Variants in WDFY3 observed in about 807,000 individuals in gnomAD.
WDFY3 encodes WD repeat and FYVE domain-containing protein 3.
In WDFY3, 66 loss-of-function variants were observed where a neutral mutation model predicts 409.6. That is an observed-to-expected ratio of 0.16 (90% CI 0.13 to 0.20). WDFY3 has a LOEUF of 0.20. Among genes scored for constraint, WDFY3 ranks in the 10% least tolerant of loss-of-function variants. The probability of loss-of-function intolerance (pLI) is 1.00; values close to 1 mark genes in which losing one functional copy is unlikely to be tolerated. For synonymous variants in WDFY3, 1,521 were observed against 1,537.1 expected (o/e 0.99, Z 0.25); for missense variants, 3,031 against 4,298.1 (o/e 0.71, Z 8.24).
intron 3 of WDFY3, among the ~76,000 whole-genome samples, chr4:84,874,130 G>A (rs1201128687): frequency 6.6e-6 from 1 of 151,566 alleles, no homozygotes; most frequent in Non-Finnish European, 1.5e-5. Flanking sequence ...AAACCAAGCA[G>A]AGACCGGGCG....
Position 84,671,228 on chromosome 4 carries a change from G to A in WDFY3, c.*1640C>T, listed in dbSNP as rs1209925086. 1.3e-5 allele frequency: 2 copies of A among 152,516 alleles called. No individual in the cohort carries two copies. Among genetic ancestry groups the A allele is most frequent in the Non-Finnish European group, 2.9e-5 (2 of 68,014 alleles). The allele number at this position is 152,516 out of a possible 1,614,324, so 9.4% of individuals were successfully genotyped here. A position where few individuals can be genotyped will look rare whatever the true frequency, so the allele number is the denominator to read the frequency against. On this transcript the variant is annotated 3_prime_UTR_variant, in exon 68 of 68. Transcript: ENST00000295888. Reference sequence around the variant, plus strand: ...TATTTTTGAATGCATGTGCATATATGTGCATTTTAGTGCATAAGTGTGCCT... The same window carrying A: ...TATTTTTGAATGCATGTGCATATATATGCATTTTAGTGCATAAGTGTGCCT...
intron 36 of WDFY3, among the ~76,000 whole-genome samples, chr4:84,744,502 G>A (rs978050288): frequency 6.6e-6 from 1 of 152,124 alleles, no homozygotes; most frequent in South Asian, 2.1e-4. Flanking sequence ...GCTGGGGTGG[G>A]AGGATCACAT....
At chr4:84,940,925 T>C (rs1391276213) in intron 1 of WDFY3, among the ~76,000 whole-genome samples, 2 of 152,010 alleles carry the variant, frequency 1.3e-5, no homozygotes, top group African/African-American at 2.4e-5. Context: ...AAAAACCATA[T>C]AATCTCAATA....
intron 2 of WDFY3, among the ~76,000 whole-genome samples, chr4:84,905,022 C>G (rs760007218): frequency 2.6e-5 from 4 of 151,262 alleles, no homozygotes; most frequent in Non-Finnish European, 4.4e-5. Flanking sequence ...AGTCTCTCGT[C>G]TGCGCACACG....
At chr4:84,771,783 T>A (rs1042049292) in intron 30 of WDFY3, among the ~76,000 whole-genome samples, 20 of 152,370 alleles carry the variant, frequency 1.3e-4, no homozygotes, top group Middle Eastern at 6.8e-3. Context: ...TTCATTGATC[T>A]GATCTTTATA....
At chr4:84,794,798 G>A in intron 20 of WDFY3, 61 bp from the exon 21 acceptor site, 1 of 1,512,688 alleles carries the variant, frequency 6.6e-7, no homozygotes, top group Non-Finnish European at 8.9e-7. Context: ...TTTAAAAGAT[G>A]CCAACAAAAG....
intron 3 of WDFY3, among the ~76,000 whole-genome samples, chr4:84,887,735 T>C (rs145552871): frequency 3.9e-5 from 6 of 152,326 alleles, no homozygotes; most frequent in African/African-American, 1.4e-4. Flanking sequence ...TTAGCTAAAA[T>C]TTGAATTCAA....
In WDFY3 at chr4:84,787,653, T is replaced by C; in HGVS notation, c.3730A>G (p.Thr1244Ala). 2.5e-6 allele frequency: 4 copies of C among 1,614,148 alleles called. No homozygotes were observed. The highest frequency in any genetic ancestry group is 1.1e-5 in the South Asian group (1 of 91,078). The change falls in exon 23 of 68, where the codon ACG becomes GCG. Residue 1244 changes from threonine (T) to alanine (A), a missense_variant. Around this residue, in one of 16 missense-constraint regions of WDFY3, gnomAD observed 1,322 missense variants for 1,697.9 expected, o/e 0.78. Coordinates refer to ENST00000295888, the MANE Select transcript of WDFY3 (RefSeq NM_014991.6). Reference protein sequence around the residue: ...SGSANPPVVSTVYAYIGTPPA... With the variant: ...SGSANPPVVSAVYAYIGTPPA... ...GGAGTACCAATGTAGGCATAGACCG[T>C]GCTCACCACTGGTGGATTTGCCGAA...
At chr4:84,736,581 A>G (rs1383359978) in intron 41 of WDFY3, among the ~76,000 whole-genome samples, 2 of 152,220 alleles carry the variant, frequency 1.3e-5, no homozygotes, top group African/African-American at 4.8e-5. Flanking sequence ...AAATTTAACT[A>G]TAACGAGTTT....
At position 84,779,979 on chromosome 4, in the gene WDFY3, A is replaced by C. The variant is rs563283380; in HGVS notation, c.4365+129T>G. 6.8e-4 allele frequency: 717 copies of C among 1,056,072 alleles called. 3 individuals carry two copies. Among genetic ancestry groups the C allele is most frequent in the Non-Finnish European group, 2.4e-4 (183 of 757,140 alleles). The allele number at this position is 1,056,072 out of a possible 1,614,324, so 65.4% of individuals were successfully genotyped here. A position where few individuals can be genotyped will look rare whatever the true frequency, so the allele number is the denominator to read the frequency against. ...TTTGACATATATTAGTTTTCATAAA[A>C]CTACTGTCTCTTTAAGTTTCCTTGG... On this transcript the variant is annotated intron_variant, in intron 26 of 67. Transcript: ENST00000295888.
At chr4:84,687,813 T>A in intron 62 of WDFY3, 1 of 289,038 alleles carries the variant, frequency 3.5e-6, no homozygotes. Flanking sequence ...AATTTTGATC[T>A]GCTCCATTTC....
At chr4:84,894,000 A>AC (rs1474935080) in intron 3 of WDFY3, among the ~76,000 whole-genome samples, 1 of 152,152 alleles carries the variant, frequency 6.6e-6, no homozygotes, top group East Asian at 1.9e-4. Flanking sequence ...AAAAAAAAAA[A>AC]AATTAGAAAA....
At chr4:84,848,755 A>C (rs1758463324) in intron 5 of WDFY3, among the ~76,000 whole-genome samples, 1 of 152,136 alleles carries the variant, frequency 6.6e-6, no homozygotes, top group African/African-American at 2.4e-5. Flanking sequence ...TCTCCATTTA[A>C]ACGTAAACCA....
chr4:84,965,019 T>C (rs561993528), intron 1 of WDFY3, among the ~76,000 whole-genome samples: 2 of 152,380 alleles, frequency 1.3e-5, no homozygotes, highest in South Asian at 4.1e-4. Flanking sequence ...ACCTAATTCC[T>C]ATACTTAAGA....
At chr4:84,936,504 T>C (rs1236834940) in intron 1 of WDFY3, among the ~76,000 whole-genome samples, 2 of 151,942 alleles carry the variant, frequency 1.3e-5, no homozygotes, top group Admixed American at 6.6e-5. Flanking sequence ...CTGGGTGACA[T>C]AGCAAGACCC....
chr4:84,747,111 T>C (rs1233339119), intron 36 of WDFY3, among the ~76,000 whole-genome samples: 1 of 152,178 alleles, frequency 6.6e-6, no homozygotes, highest in Non-Finnish European at 1.5e-5. Context: ...CTCTGGACTC[T>C]GGTGGTCAGA....
chr4:84,727,510 C>T (rs1735861809), intron 44 of WDFY3, among the ~76,000 whole-genome samples: 1 of 152,152 alleles, frequency 6.6e-6, no homozygotes, highest in Admixed American at 6.5e-5. Flanking sequence ...CATCAGCCCC[C>T]AGATCAGAAG....
rs773807020 is a variant in WDFY3 at position 84,821,543 on chromosome 4, C to T, written c.1132G>A (p.Val378Met). 2 of 1,611,406 alleles carry T rather than the reference C, an allele frequency of 1.2e-6. No individual in the cohort carries two copies. The highest frequency in any genetic ancestry group is 1.7e-4 in the Middle Eastern group (1 of 6,044). Reference protein sequence around the residue: ...VPQPAGKGHSVRNVQAFAVLQ... With the variant: ...VPQPAGKGHSMRNVQAFAVLQ... ...ACTGCAAAGGCCTGGACGTTTCTCACACTGTGACCTAGAACAGAAAAGAAA... is the reference window on the plus strand; with the variant it reads ...ACTGCAAAGGCCTGGACGTTTCTCATACTGTGACCTAGAACAGAAAAGAAA... The change falls in exon 11 of 68, where the codon GTG becomes ATG. Residue 378 changes from valine to methionine, a missense_variant. Around this residue, in one of 16 missense-constraint regions of WDFY3, gnomAD observed 1,322 missense variants for 1,697.9 expected, o/e 0.78. Coordinates refer to ENST00000295888, the MANE Select transcript of WDFY3 (RefSeq NM_014991.6).
intron 19 of WDFY3, among the ~76,000 whole-genome samples, chr4:84,795,797 A>C (rs568847933): frequency 1.3e-5 from 2 of 152,132 alleles, no homozygotes; most frequent in African/African-American, 4.8e-5. Context: ...CTAATAGCTA[A>C]CAGATCTAGC....
Sources: allele counts gnomAD v4.1 joint callset (sites outside exome capture counted in the v4.1 genomes callset), GRCh38; gene constraint gnomAD v4.1.1; regional missense constraint gnomAD v4.1.1; transcripts MANE v1.5; gene names NCBI Gene and HGNC (gene_info 2026-07-23, HGNC 2026-07-21).